FGD3: variants seen among roughly 807,000 people sequenced by gnomAD.
The protein encoded by FGD3 is FYVE, RhoGEF and PH domain containing 3.
In FGD3, 45 loss-of-function variants were observed where a neutral mutation model predicts 71.8. The observed-to-expected ratio is 0.63, with a 90% confidence interval of 0.49 to 0.80. FGD3 has a LOEUF of 0.80. Ranked by LOEUF, FGD3 falls within the 30% of genes least tolerant of loss-of-function variation. The pLI is 0.00. For synonymous variants in FGD3, 378 were observed against 392.8 expected (o/e 0.96, Z 0.44); for missense variants, 844 against 951.5 (o/e 0.89, Z 1.49).
At chr9:93,034,257 G>GT in intron 16 of FGD3, 1 of 365,544 alleles carries the variant, frequency 2.7e-6, no homozygotes, top group Non-Finnish European at 4.9e-6. Context: ...TTGCTGTTGG[G>GT]TTTTCCTATG....
rs55908030 is a variant in FGD3 at position 92,968,607 on chromosome 9, C to CTTT, written c.-217-6619_-217-6617dup. Among the ~76,000 whole-genome samples, 592 of 142,996 alleles carry CTTT rather than the reference C, an allele frequency of 4.1e-3. 33 individuals are homozygous for CTTT. The highest frequency in any genetic ancestry group is 5.0e-3 in the South Asian group (23 of 4,582). 93.8% of individuals were successfully genotyped at this position (142,996 alleles called of 152,430 possible). On this transcript the variant is annotated intron_variant, in intron 1 of 17. Coordinates refer to ENST00000375482, the MANE Select transcript of FGD3 (RefSeq NM_001083536.2). Reference sequence around the variant, plus strand: ...GTTTTCTTTTCTTTTTTCTTTCTTTCTTTTTTTTTTTTTTGACACGGAGTC... The same window carrying CTTT: ...GTTTTCTTTTCTTTTTTCTTTCTTTCTTTTTTTTTTTTTTTTTGACACGGAGTC...
At chr9:92,987,211 T>C (rs1214537250) in intron 3 of FGD3, among the ~76,000 whole-genome samples, 1 of 152,002 alleles carries the variant, frequency 6.6e-6, no homozygotes. Flanking sequence ...GGTGGGCAGA[T>C]CATGAGGTCA....
chr9:93,022,634 G>A (rs555242645), intron 14 of FGD3, among the ~76,000 whole-genome samples: 5 of 152,132 alleles, frequency 3.3e-5, no homozygotes, highest in African/African-American at 7.2e-5. Flanking sequence ...AGGTGGGCAC[G>A]CAGAGGCCTG....
chr9:92,948,281 C>T (rs1858892659), intron 1 of FGD3, among the ~76,000 whole-genome samples: 3 of 152,234 alleles, frequency 2.0e-5, no homozygotes, highest in East Asian at 3.8e-4. Context: ...CCCTAAGTGT[C>T]ACTTCTCATA....
rs746328360 is a variant in FGD3 at position 93,002,979 on chromosome 9, G to T, written c.508G>T (p.Glu170Ter). 3 of 1,614,182 alleles carry T rather than the reference G, an allele frequency of 1.9e-6. No individual in the cohort carries two copies. Among genetic ancestry groups the T allele is most frequent in the Non-Finnish European group, 2.5e-6 (3 of 1,180,040 alleles). ...HIAQELLHTE[E>*]TYVKRLHLLD... ...TGCCCAGGAGCTCCTGCACACCGAG[G>T]AGACCTATGTGAAGCGGCTGCACCT... The change falls in exon 4 of 18, where the codon GAG becomes TAG. Residue 170 changes from glutamate to a stop codon, truncating the protein, a stop_gained. Transcript: ENST00000375482. LOFTEE classifies it high-confidence loss of function.
At chr9:93,033,070 G>A (rs935479557) in intron 16 of FGD3, 197 bp downstream of exon 16, 17 of 658,714 alleles carry the variant, frequency 2.6e-5, no homozygotes, top group Non-Finnish European at 4.5e-5. Flanking sequence ...TGGCTTCTCG[G>A]GACCAGCCAG....
In FGD3 at chr9:93,020,340, G is replaced by C. The variant is rs1176225518; in HGVS notation, c.1410G>C (p.Lys470Asn). The change falls in exon 13 of 18, where the codon AAG (lysine) becomes AAC (asparagine). Residue 470 changes from lysine (K) to asparagine (N), a missense_variant. Physicochemically the swap from Lys to Asn is moderately conservative, Grantham distance 94. Coordinates refer to ENST00000375482, the MANE Select transcript of FGD3 (RefSeq NM_001083536.2). ...WIQIIQATIE[K>N]HKQNSETFKA... ...AGATCATCCAGGCCACCATCGAGAA[G>C]CACAAACAGAACAGCGAAACCTTCA... The C allele has an allele frequency of 6.2e-7, 1 of 1,613,408 alleles. No homozygotes were observed. Among genetic ancestry groups the C allele is most frequent in the East Asian group, 2.2e-5 (1 of 44,880 alleles).
chr9:93,027,715 C>CTTTCT (rs1862168490), intron 14 of FGD3, among the ~76,000 whole-genome samples: 3 of 102,020 alleles, frequency 2.9e-5, no homozygotes, highest in African/African-American at 8.0e-5. Flanking sequence ...TTCTTTCTTT[C>CTTTCT]TTTTTTTTTT....
rs375810720 is a variant in FGD3, at chr9:93,006,085, G to A, written c.742G>A (p.Gly248Ser). The change falls in exon 6 of 18, where the codon GGC (glycine) becomes AGC (serine). Residue 248 changes from glycine (G) to serine (S), a missense_variant. Coordinates refer to ENST00000375482, the MANE Select transcript of FGD3 (RefSeq NM_001083536.2). ...QKLAPFLKMY[G>S]EYVKNFDRAV... is the part of the protein sequence containing the mutation. ...GCTGGCCCCATTCCTGAAGATGTAC[G>A]GCGAGTATGTCAAGAACTTTGACCG... is the stretch of plus-strand genomic sequence containing the variant. 5.6e-6 allele frequency: 9 copies of A among 1,613,202 alleles called. No individual in the cohort carries two copies. Among genetic ancestry groups the A allele is most frequent in the East Asian group, 2.2e-5 (1 of 44,832 alleles).
At chr9:93,010,602 A>AG (rs549339532) in intron 7 of FGD3, among the ~76,000 whole-genome samples, 2 of 147,012 alleles carry the variant, frequency 1.4e-5, no homozygotes, top group African/African-American at 5.1e-5. Context: ...AGGGAGAGGG[A>AG]GGGAGAAACA....
chr9:92,979,644 T>C (rs1859908944), intron 3 of FGD3, among the ~76,000 whole-genome samples: 1 of 152,238 alleles, frequency 6.6e-6, no homozygotes, highest in Non-Finnish European at 1.5e-5. Context: ...TATGCCCTCC[T>C]CTTCAATTGT....
intron 1 of FGD3, 35 bp downstream of exon 1, chr9:92,947,764 C>T (rs1341651242): frequency 6.6e-6 from 1 of 152,290 alleles, no homozygotes; most frequent in African/African-American, 2.4e-5. Flanking sequence ...TGGCAATTTT[C>T]GCTTGTTTCA....
intron 6 of FGD3, among the ~76,000 whole-genome samples, chr9:93,006,978 T>C (rs1429987767): frequency 6.6e-6 from 1 of 151,876 alleles, no homozygotes; most frequent in Non-Finnish European, 1.5e-5. Flanking sequence ...CCGCCCTCCT[T>C]GGCCTCTCAA....
intron 16 of FGD3, chr9:93,033,321 TCCCCTTCTCCTCCTCCTCC>T: frequency 5.1e-6 from 1 of 197,736 alleles, no homozygotes; most frequent in Admixed American, 7.0e-5. Flanking sequence ...CTCCTCCCCG[TCCCCTTCTCCTCCTCCTCC>T]CCGTCCCCTT....
chr9:92,966,513 C>T (rs1187167195), intron 1 of FGD3, among the ~76,000 whole-genome samples: 3 of 152,380 alleles, frequency 2.0e-5, no homozygotes, highest in Admixed American at 2.0e-4. Context: ...CTCTGTGCCA[C>T]AAGGTGTGCT....
intron 1 of FGD3, among the ~76,000 whole-genome samples, chr9:92,959,860 A>C (rs1859136916): frequency 6.6e-6 from 1 of 150,420 alleles, no homozygotes; most frequent in South Asian, 2.1e-4. Context: ...CCATGTTTCC[A>C]AGACCACACG....
At chr9:92,997,575 T>G (rs1423815970) in intron 3 of FGD3, among the ~76,000 whole-genome samples, 1 of 152,218 alleles carries the variant, frequency 6.6e-6, no homozygotes, top group Non-Finnish European at 1.5e-5. Context: ...GCATTGATGG[T>G]CTTTATAATT....
At position 93,003,952 on chromosome 9, in the gene FGD3, G is replaced by T; in HGVS notation, c.544-49G>T. 1 of 1,609,068 alleles carries T rather than the reference G, an allele frequency of 6.2e-7. No homozygotes were observed. Reference sequence around the variant, plus strand: ...GTGGCCGAAGCGGGGCGGCAACTGTGCTCAGTGGAAGAGGCTCACTGGCCA... The same window carrying T: ...GTGGCCGAAGCGGGGCGGCAACTGTTCTCAGTGGAAGAGGCTCACTGGCCA... On this transcript the variant is annotated intron_variant, in intron 4 of 17. Coordinates refer to ENST00000375482, the MANE Select transcript of FGD3 (RefSeq NM_001083536.2). This position sits in a 1 kb window ranked among gnomAD's most constrained non-coding sequence, Gnocchi z 4.1.
intron 1 of FGD3, among the ~76,000 whole-genome samples, chr9:92,962,850 A>G (rs1023611919): frequency 2.0e-5 from 3 of 151,382 alleles, no homozygotes; most frequent in Non-Finnish European, 4.4e-5. Context: ...ATGAGGCAGG[A>G]GAATCTTTGA....
Sources: allele counts gnomAD v4.1 joint callset (sites outside exome capture counted in the v4.1 genomes callset), GRCh38; gene constraint gnomAD v4.1.1; non-coding constraint Gnocchi (gnomAD v3.1); transcripts MANE v1.5; gene names NCBI Gene and HGNC (gene_info 2026-07-23, HGNC 2026-07-21).